The following CSGALNACT1 variants were observed in gnomAD, a reference collection of about 807,000 sequenced individuals.
CSGALNACT1 encodes the protein beta4GalNAcT-1.
In CSGALNACT1, 52 loss-of-function variants were observed where a neutral mutation model predicts 51.0. That is an observed-to-expected ratio of 1.02 (90% confidence interval 0.82 to 1.29). CSGALNACT1 has a LOEUF of 1.29. Ranked by LOEUF, CSGALNACT1 falls within the 50% of genes most tolerant of loss-of-function variation. CSGALNACT1 has a pLI of 0.00. For missense variants in CSGALNACT1, 935 were observed against 679.2 expected (o/e 1.38, Z -4.19); for synonymous variants, 341 against 254.4 (o/e 1.34, Z -3.24).
At position 19,666,823 on chromosome 8, in the gene CSGALNACT1, G is replaced by A. The variant is rs1403953256; in HGVS notation, c.-544+15650C>T. Among the ~76,000 whole-genome samples, 174 of 73,648 alleles carry A rather than the reference G, an allele frequency of 2.4e-3. 2 individuals carry two copies. The highest frequency in any genetic ancestry group is 5.7e-3 in the Middle Eastern group (1 of 174). 48.3% of individuals were successfully genotyped at this position (73,648 alleles called of 152,430 possible). A position where few individuals can be genotyped will look rare whatever the true frequency, so the allele number is the denominator to read the frequency against. On this transcript the variant is annotated intron_variant, in intron 1 of 9. Transcript: ENST00000332246. ...AGAAAGAAAGAAAGAGAGAGAGAGAGAGAGAGAGAGAAAGAAAGAAAGAAA... is the reference window on the plus strand; with the variant it reads ...AGAAAGAAAGAAAGAGAGAGAGAGAAAGAGAGAGAGAAAGAAAGAAAGAAA...
intron 6 of CSGALNACT1, among the ~76,000 whole-genome samples, chr8:19,433,813 G>C (rs900362120): frequency 2.6e-5 from 4 of 152,198 alleles, no homozygotes; most frequent in African/African-American, 4.8e-5. Flanking sequence ...GGTATCATTA[G>C]TATTAGTATA....
intron 6 of CSGALNACT1, among the ~76,000 whole-genome samples, chr8:19,420,936 T>G (rs568920875): frequency 6.6e-6 from 1 of 152,326 alleles, no homozygotes; most frequent in South Asian, 2.1e-4. Flanking sequence ...ACTTAGCATC[T>G]TTTCATCTGC....
At position 19,706,217 on chromosome 8, in the gene CSGALNACT1, C is replaced by G. The variant is rs183503477; in HGVS notation, c.-297+51633G>C. ...GCCTTCCCCAATGTCATAGTTAATT[C>G]ATTTAGATTAGGGAGAATTCTGCTT... On this transcript the variant is annotated intron_variant, in intron 1 of 1. Transcript: ENST00000517494. Among the ~76,000 whole-genome samples the G allele has an allele frequency of 4.8e-4, 73 of 152,218 alleles. 1 individual carries two copies. Among genetic ancestry groups the G allele is most frequent in the Admixed American group, 2.4e-3 (36 of 15,288 alleles).
chr8:19,740,702 G>C (rs2064258718), intron 1 of CSGALNACT1, among the ~76,000 whole-genome samples: 1 of 152,054 alleles, frequency 6.6e-6, no homozygotes, highest in African/African-American at 2.4e-5. Context: ...GCACATTTCT[G>C]GTAAAGCTTG....
chr8:19,465,007 G>T (rs757204776), intron 4 of CSGALNACT1, among the ~76,000 whole-genome samples: 2 of 151,992 alleles, frequency 1.3e-5, no homozygotes, highest in South Asian at 2.1e-4. Context: ...ATATCCCAAA[G>T]AATTAAAAAC....
At chr8:19,645,574 G>C (rs991814962) in intron 1 of CSGALNACT1, among the ~76,000 whole-genome samples, 4 of 152,222 alleles carry the variant, frequency 2.6e-5, no homozygotes, top group African/African-American at 9.6e-5. Flanking sequence ...CGAAGGGTGG[G>C]CGTAAGGTTG....
chr8:19,518,525 C>G (rs750344620), intron 3 of CSGALNACT1, among the ~76,000 whole-genome samples: 2 of 152,208 alleles, frequency 1.3e-5, no homozygotes, highest in Non-Finnish European at 2.9e-5. Flanking sequence ...CTATGTAAAT[C>G]AGAGACTGCC....
chr8:19,581,823 G>C (rs942713235), intron 3 of CSGALNACT1, among the ~76,000 whole-genome samples: 1 of 152,172 alleles, frequency 6.6e-6, no homozygotes, highest in African/African-American at 2.4e-5. Flanking sequence ...GGTTACATTA[G>C]TCTCTTAACA....
intron 3 of CSGALNACT1, among the ~76,000 whole-genome samples, chr8:19,582,238 G>A (rs1347281895): frequency 1.3e-5 from 2 of 152,162 alleles, no homozygotes; most frequent in African/African-American, 4.8e-5. Context: ...CAGCATATTA[G>A]AAGAACATGA....
At chr8:19,437,727 C>G (rs1377277964) in intron 6 of CSGALNACT1, among the ~76,000 whole-genome samples, 2 of 152,108 alleles carry the variant, frequency 1.3e-5, no homozygotes, top group African/African-American at 4.8e-5. Flanking sequence ...TTAAGAAGTT[C>G]GGGTTAATTT....
chr8:19,548,830 C>G (rs1248577647), intron 3 of CSGALNACT1, among the ~76,000 whole-genome samples: 1 of 152,102 alleles, frequency 6.6e-6, no homozygotes, highest in East Asian at 1.9e-4. Flanking sequence ...ATGCTTATCC[C>G]TTTATTTGAG....
chr8:19,423,080 A>G (rs2058200160), intron 6 of CSGALNACT1, among the ~76,000 whole-genome samples: 1 of 152,186 alleles, frequency 6.6e-6, no homozygotes, highest in African/African-American at 2.4e-5. Flanking sequence ...TAATTCAGGT[A>G]CCTTCTCCAG....
intron 1 of CSGALNACT1, among the ~76,000 whole-genome samples, chr8:19,716,431 A>G (rs532526424): frequency 2.0e-5 from 3 of 152,084 alleles, no homozygotes; most frequent in Non-Finnish European, 4.4e-5. Context: ...TATCTCAACC[A>G]AAACCATTTC....
intron 1 of CSGALNACT1, among the ~76,000 whole-genome samples, chr8:19,720,529 A>T (rs554046873): frequency 6.6e-6 from 1 of 152,318 alleles, no homozygotes; most frequent in South Asian, 2.1e-4. Context: ...ATCCAAGAGA[A>T]TCAACCTCTC....
intron 1 of CSGALNACT1, among the ~76,000 whole-genome samples, chr8:19,690,236 T>C (rs772989400): frequency 3.9e-5 from 6 of 152,244 alleles, no homozygotes; most frequent in Non-Finnish European, 7.3e-5. Context: ...ACAGAAGATA[T>C]AATTTTACCT....
chr8:19,595,727 A>G (rs531115128), intron 2 of CSGALNACT1, among the ~76,000 whole-genome samples: 2 of 152,124 alleles, frequency 1.3e-5, no homozygotes, highest in Admixed American at 1.3e-4. Context: ...TAACAATTGA[A>G]CTGTTTGTTT....
intron 3 of CSGALNACT1, among the ~76,000 whole-genome samples, chr8:19,586,631 A>G (rs969683734): frequency 6.6e-6 from 1 of 152,094 alleles, no homozygotes; most frequent in African/African-American, 2.4e-5. Context: ...TTAGTCTATG[A>G]CTGGCAATGA....
intron 2 of CSGALNACT1, among the ~76,000 whole-genome samples, chr8:19,596,578 G>T (rs1419736288): frequency 6.7e-6 from 1 of 150,152 alleles, no homozygotes; most frequent in Non-Finnish European, 1.5e-5. Flanking sequence ...TGCAAATATA[G>T]GCCACAAATT....
chr8:19,484,011 T>A (rs946379630), intron 4 of CSGALNACT1, among the ~76,000 whole-genome samples: 1 of 152,152 alleles, frequency 6.6e-6, no homozygotes, highest in Non-Finnish European at 1.5e-5. Context: ...AGGATGTGAA[T>A]CATCACTTTG....
Sources: allele counts gnomAD v4.1 joint callset (sites outside exome capture counted in the v4.1 genomes callset), GRCh38; gene constraint gnomAD v4.1.1; transcripts MANE v1.5; gene names NCBI Gene and HGNC (gene_info 2026-07-23, HGNC 2026-07-21).